The following RBMS3 variants were observed in gnomAD, a reference collection of about 807,000 sequenced individuals.
RBMS3 encodes the protein RNA-binding motif, single-stranded-interacting protein 3.
In RBMS3, 27 loss-of-function variants were observed where a neutral mutation model predicts 66.8. The observed-to-expected ratio is 0.40, with a 90% CI of 0.30 to 0.56. The LOEUF (loss-of-function observed/expected upper bound fraction) is 0.56. Ranked by LOEUF, RBMS3 falls within the 20% of genes least tolerant of loss-of-function variation. The pLI is 0.40. For synonymous variants in RBMS3, 188 were observed against 183.0 expected (o/e 1.03, Z -0.22); for missense variants, 513 against 549.5 (o/e 0.93, Z 0.66).
intron 3 of RBMS3, among the ~76,000 whole-genome samples, chr3:29,550,236 T>A (rs1409041430): frequency 6.6e-6 from 1 of 152,234 alleles, no homozygotes; most frequent in African/African-American, 2.4e-5. Context: ...CAACACAAAG[T>A]TGTATCAGCA....
chr3:29,956,173 C>G (rs868635248), intron 12 of RBMS3, among the ~76,000 whole-genome samples: 48 of 152,100 alleles, frequency 3.2e-4, no homozygotes, highest in African/African-American at 1.1e-3. Flanking sequence ...CACGACTCTT[C>G]TTTCACTAGT....
intron 6 of RBMS3, among the ~76,000 whole-genome samples, chr3:29,832,226 G>C (rs1179834445): frequency 1.3e-5 from 2 of 152,186 alleles, no homozygotes; most frequent in East Asian, 3.9e-4. Context: ...TACAAAGAGA[G>C]AGGTGGAAGG....
intron 3 of RBMS3, among the ~76,000 whole-genome samples, chr3:29,514,718 TA>T (rs1398550283): frequency 2.8e-5 from 4 of 143,564 alleles, no homozygotes; most frequent in Non-Finnish European, 6.0e-5. Context: ...TATATATGTG[TA>T]TATGATAAGC....
chr3:29,855,807 G>C (rs367703123), intron 6 of RBMS3, among the ~76,000 whole-genome samples: 1 of 152,194 alleles, frequency 6.6e-6, no homozygotes, highest in Non-Finnish European at 1.5e-5. Context: ...TGCCTTCCAC[G>C]CTGGAAAATA....
intron 6 of RBMS3, among the ~76,000 whole-genome samples, chr3:29,867,588 A>G (rs1213131601): frequency 1.3e-5 from 2 of 148,804 alleles, no homozygotes; most frequent in African/African-American, 2.5e-5. Flanking sequence ...TAACCTGGGC[A>G]TGTTCACATA....
intron 3 of RBMS3, among the ~76,000 whole-genome samples, chr3:29,583,312 G>A (rs554338884): frequency 6.6e-6 from 1 of 152,200 alleles, no homozygotes; most frequent in East Asian, 1.9e-4. Flanking sequence ...CTAGACTAAA[G>A]GGTGGGAGCC....
chr3:29,736,087 A>G (rs990247006), intron 4 of RBMS3, among the ~76,000 whole-genome samples: 2 of 152,248 alleles, frequency 1.3e-5, no homozygotes, highest in Non-Finnish European at 2.9e-5. Context: ...CCTGATATAT[A>G]AATAAAATTG....
At chr3:29,359,797 T>G (rs1330990234) in intron 1 of RBMS3, among the ~76,000 whole-genome samples, 3 of 152,192 alleles carry the variant, frequency 2.0e-5, no homozygotes, top group African/African-American at 7.2e-5. Flanking sequence ...GTCCAGGAAT[T>G]TATCCATTTC....
At chr3:29,634,123 A>G (rs1351119691) in intron 4 of RBMS3, among the ~76,000 whole-genome samples, 1 of 151,888 alleles carries the variant, frequency 6.6e-6, no homozygotes, top group East Asian at 1.9e-4. Context: ...TCATAGTACT[A>G]TGCATTGTGG....
intron 6 of RBMS3, among the ~76,000 whole-genome samples, chr3:29,809,240 T>A (rs1232543309): frequency 1.3e-5 from 2 of 151,824 alleles, no homozygotes; most frequent in South Asian, 4.1e-4. Context: ...AATTTCATTC[T>A]TGTTATTTTG....
At chr3:29,445,517 G>C (rs2041798058) in intron 2 of RBMS3, among the ~76,000 whole-genome samples, 1 of 151,950 alleles carries the variant, frequency 6.6e-6, no homozygotes, top group African/African-American at 2.4e-5. Flanking sequence ...ATTTAAGTAA[G>C]TTGGACTCGT....
chr3:29,889,455 C>T (rs947253984), intron 8 of RBMS3, among the ~76,000 whole-genome samples: 4 of 151,720 alleles, frequency 2.6e-5, no homozygotes, highest in African/African-American at 9.7e-5. Context: ...CCCAGGGATG[C>T]ATCCAAACTC....
chr3:29,343,264 AG>A (rs2036386522), intron 1 of RBMS3, among the ~76,000 whole-genome samples: 1 of 152,006 alleles, frequency 6.6e-6, no homozygotes, highest in Admixed American at 6.6e-5. Context: ...CCGTTTGGGG[AG>A]TTTTTTAAAA....
intron 1 of RBMS3, among the ~76,000 whole-genome samples, chr3:29,411,509 T>C (rs989467041): frequency 2.0e-5 from 3 of 152,168 alleles, no homozygotes; most frequent in African/African-American, 7.2e-5. Flanking sequence ...CAGGAAATGG[T>C]CCAAAAGACA....
chr3:29,791,066 A>G (rs1293143546), intron 6 of RBMS3, among the ~76,000 whole-genome samples: 1 of 152,196 alleles, frequency 6.6e-6, no homozygotes, highest in South Asian at 2.1e-4. Flanking sequence ...CTATTCCTCT[A>G]TACCAGTATG....
chr3:29,670,517 C>A (rs1209027062), intron 4 of RBMS3, among the ~76,000 whole-genome samples: 2 of 152,200 alleles, frequency 1.3e-5, no homozygotes, highest in Non-Finnish European at 2.9e-5. Context: ...GAAGCCATGA[C>A]AGATGGTTCC....
chr3:29,291,887 A>G (rs1328968863), intron 1 of RBMS3, among the ~76,000 whole-genome samples: 1 of 151,780 alleles, frequency 6.6e-6, no homozygotes, highest in Non-Finnish European at 1.5e-5. Flanking sequence ...TCCAGCCATA[A>G]GCCAAGTGTG....
At chr3:29,956,140 A>G (rs191520535) in intron 12 of RBMS3, among the ~76,000 whole-genome samples, 3 of 152,056 alleles carry the variant, frequency 2.0e-5, no homozygotes, top group African/African-American at 7.2e-5. Context: ...TACTTTCCCA[A>G]CTAGTTTTCT....
intron 1 of RBMS3, among the ~76,000 whole-genome samples, chr3:29,422,341 A>G (rs770036691): frequency 1.3e-5 from 2 of 151,868 alleles, no homozygotes; most frequent in Non-Finnish European, 2.9e-5. Context: ...AAGAAAAAGC[A>G]GAACTGTCTT....
Sources: gnomAD v4.1 joint callset for allele counts (sites outside exome capture counted in the v4.1 genomes callset) on GRCh38, gnomAD v4.1.1 for gene constraint, MANE v1.5 for transcripts, NCBI Gene and HGNC (gene_info 2026-07-23, HGNC 2026-07-21) for gene names.